The following COQ8B variants were observed in gnomAD, a reference collection of about 807,000 sequenced individuals.
COQ8B encodes atypical kinase COQ8B, mitochondrial.
COQ8B carries 44 observed loss-of-function variants against 62.0 expected under a neutral mutation model. The observed-to-expected ratio is 0.71, with a 90% CI of 0.56 to 0.91. COQ8B has a LOEUF of 0.91. Ranked by LOEUF, COQ8B falls within the 40% of genes least tolerant of loss-of-function variation. COQ8B has a pLI of 0.00. For synonymous variants in COQ8B, 252 were observed against 289.9 expected (o/e 0.87, Z 1.33); for missense variants, 649 against 731.6 (o/e 0.89, Z 1.30).
intron 9 of COQ8B, 41 bp from the exon 10 acceptor site, chr19:40,702,734 C>T (rs368189438): frequency 2.5e-6 from 4 of 1,582,956 alleles, no homozygotes; most frequent in Non-Finnish European, 3.4e-6. Context: ...GCCCCGAGCG[C>T]CCACTGGTGG....
At chr19:40,696,365 A>G (rs1329917343) in intron 12 of COQ8B, among the ~76,000 whole-genome samples, 1 of 152,162 alleles carries the variant, frequency 6.6e-6, no homozygotes, top group Non-Finnish European at 1.5e-5. Context: ...CCAGCCTAAA[A>G]TATAAAATAC....
chr19:40,700,725 A>G lies in COQ8B; in HGVS notation c.894-274T>C, dbSNP rs548486804. On this transcript the variant is annotated intron_variant, in intron 10 of 14. Coordinates refer to ENST00000324464, the MANE Select transcript of COQ8B (RefSeq NM_024876.4). ...CCACTTCCCTACCCGAAACCCTTCTATGACTTCTGGTTGCCCCAGAAGGAT... is the reference window on the plus strand; with the variant it reads ...CCACTTCCCTACCCGAAACCCTTCTGTGACTTCTGGTTGCCCCAGAAGGAT... 5 of 458,892 alleles carry G rather than the reference A, an allele frequency of 1.1e-5. No individual in the cohort carries two copies. The South Asian group carries it at 1.8e-4, about 16-fold the overall frequency. 28.4% of individuals were successfully genotyped at this position (458,892 alleles called of 1,614,324 possible). A position where few individuals can be genotyped will look rare whatever the true frequency, so the allele number is the denominator to read the frequency against.
At chr19:40,707,630 T>G (rs1457841698) in intron 5 of COQ8B, among the ~76,000 whole-genome samples, 1 of 152,156 alleles carries the variant, frequency 6.6e-6, no homozygotes, top group Non-Finnish European at 1.5e-5. Context: ...ATTTTTTGTA[T>G]TTTTAGTAGA....
Position 40,700,460 on chromosome 19 carries a change from G to A in COQ8B, c.894-9C>T, listed in dbSNP as rs201215087. On this transcript the variant is annotated splice_polypyrimidine_tract_variant and intron_variant, in intron 10 of 14. Transcript: ENST00000324464. ...CATTTGCCAGCAGCTGCCTGGGGCA[G>A]AAGGAAAGGGAGGAAGGGGACTTCG... 1.9e-6 allele frequency: 3 copies of A among 1,611,890 alleles called. No individual in the cohort carries two copies. In the Admixed American group the frequency reaches 5.0e-5, roughly 27 times the overall value.
At position 40,692,113 on chromosome 19, in the gene COQ8B, G is replaced by C; in HGVS notation, c.1557C>G (p.Tyr519Ter). 2 of 1,607,642 alleles carry C rather than the reference G, an allele frequency of 1.2e-6. No homozygotes were observed. The highest frequency in any genetic ancestry group is 1.7e-6 in the Non-Finnish European group (2 of 1,177,374). ...CTGCGTCTGGCTGGCGACTGGCCCA[G>C]TAGCGGTGGTAGGTGTCCTGGAAGA... ...RDLFQDTYHR[Y>*]WASRQPDAAT... Residue 519 changes from tyrosine to a stop codon, truncating the protein, a stop_gained, in exon 15 of 15, where the codon TAC (tyrosine) becomes TAG (stop). Transcript: ENST00000324464. LOFTEE classifies it low-confidence loss of function (END_TRUNC).
At position 40,713,941 on chromosome 19, in the gene COQ8B, C is replaced by T. The variant is rs576857640; in HGVS notation, c.289+126G>A. On this transcript the variant is annotated intron_variant, in intron 4 of 14. Coordinates refer to ENST00000324464, the MANE Select transcript of COQ8B (RefSeq NM_024876.4). ...TTTCTCTTGGCCTTGCAGGCCCTTG[C>T]CTTTGTCTCTCTTTTTTTGTCTCTC... 8.0e-4 allele frequency: 826 copies of T among 1,034,472 alleles called. 2 individuals carry two copies. The highest frequency in any genetic ancestry group is 1.1e-3 in the Non-Finnish European group (774 of 695,078). 64.1% of individuals were successfully genotyped at this position (1,034,472 alleles called of 1,614,324 possible).
intron 1 of COQ8B, 152 bp from the exon 2 acceptor site, chr19:40,714,787 C>G: frequency 7.5e-7 from 1 of 1,330,680 alleles, no homozygotes; most frequent in East Asian, 2.9e-5. Context: ...TGGTTCTCCC[C>G]TGGTTGCTAG....
At chr19:40,695,134 A>G (rs2082003871) in intron 13 of COQ8B, among the ~76,000 whole-genome samples, 1 of 152,156 alleles carries the variant, frequency 6.6e-6, no homozygotes, top group African/African-American at 2.4e-5. Context: ...CCTGGGCAAC[A>G]TGGTGAAACC....
chr19:40,695,539 T>C lies in COQ8B; in HGVS notation c.1209+450A>G, dbSNP rs142846786. Among the ~76,000 whole-genome samples the C allele has an allele frequency of 1.6e-3, 250 of 152,142 alleles. 2 individuals carry two copies. Among genetic ancestry groups the C allele is most frequent in the African/African-American group, 5.6e-3 (234 of 41,510 alleles). On this transcript the variant is annotated intron_variant, in intron 13 of 14. Coordinates refer to ENST00000324464, the MANE Select transcript of COQ8B (RefSeq NM_024876.4). The stretch of plus-strand genomic sequence containing the variant: ...AGAGTTGCCCCCAGGGACACACACC[T>C]GGGCTGGACACCAGGGCCCTGGACA...
Position 40,691,753 on chromosome 19 carries a change from G to A in COQ8B, c.*282C>T, listed in dbSNP as rs1315328828. 11 of 327,694 alleles carry A rather than the reference G, an allele frequency of 3.4e-5. No homozygotes were observed. In the Admixed American group the frequency reaches 4.7e-4, roughly 14 times the overall value. 20.3% of individuals were successfully genotyped at this position (327,694 alleles called of 1,614,324 possible). A position where few individuals can be genotyped will look rare whatever the true frequency, so the allele number is the denominator to read the frequency against. On this transcript the variant is annotated 3_prime_UTR_variant, in exon 15 of 15. Transcript: ENST00000324464. ...ATGAGTCTGATCTGCATAACGACAT[G>A]CAGCGGCCCAAGGCTCCCTCAAATG...
At position 40,692,335 on chromosome 19, in the gene COQ8B, C is replaced by G; in HGVS notation, c.1335G>C (p.Leu445=). Reference sequence around the variant, plus strand: ...GGCCCTGGGTGGCGAAAGGCTCCCCCAGGATCATCACTGCCTCCACGTGGG... The same window carrying G: ...GGCCCTGGGTGGCGAAAGGCTCCCCGAGGATCATCACTGCCTCCACGTGGG... ...SDAHVEAVMI[L]GEPFATQGPY... Residue 445 remains leucine (L), a synonymous_variant, in exon 15 of 15, where the codon CTG becomes CTC. Coordinates refer to ENST00000324464, the MANE Select transcript of COQ8B (RefSeq NM_024876.4). 1 of 1,613,648 alleles carries G rather than the reference C, an allele frequency of 6.2e-7. No homozygotes were observed. The highest frequency in any genetic ancestry group is 8.5e-7 in the Non-Finnish European group (1 of 1,179,846).
chr19:40,698,406 C>A (rs574408376), intron 12 of COQ8B, among the ~76,000 whole-genome samples: 3 of 151,518 alleles, frequency 2.0e-5, no homozygotes, highest in Non-Finnish European at 4.4e-5. Flanking sequence ...GGTGTGGTGG[C>A]GGGCACCTGT....
intron 5 of COQ8B, among the ~76,000 whole-genome samples, chr19:40,709,470 G>C (rs968848486): frequency 6.6e-6 from 1 of 152,178 alleles, no homozygotes; most frequent in Non-Finnish European, 1.5e-5. Context: ...GATGTACACA[G>C]ACCCTCGCTG....
At chr19:40,702,128 G>A (rs2082065088) in intron 10 of COQ8B, among the ~76,000 whole-genome samples, 1 of 152,178 alleles carries the variant, frequency 6.6e-6, no homozygotes. Flanking sequence ...TCAGCAGGGA[G>A]GGCAATCGTT....
intron 5 of COQ8B, 40 bp from the exon 6 acceptor site, chr19:40,705,487 T>C (rs1227028683): frequency 1.3e-6 from 2 of 1,505,282 alleles, no homozygotes; most frequent in East Asian, 2.3e-5. Flanking sequence ...ACCACAAATA[T>C]CATCACTGCG....
At chr19:40,695,724 C>T (rs1389286114) in intron 13 of COQ8B, among the ~76,000 whole-genome samples, 1 of 152,166 alleles carries the variant, frequency 6.6e-6, no homozygotes, top group African/African-American at 2.4e-5. Context: ...CTCCAGGACC[C>T]AGTTACTTCA....
chr19:40,715,007 CCGATCCCCA>C, intron 1 of COQ8B: 1 of 1,012,776 alleles, frequency 9.9e-7, no homozygotes, highest in Non-Finnish European at 1.2e-6. Flanking sequence ...GTCCCCCCGC[CCGATCCCCA>C]CCCCGTTACT....
chr19:40,710,167 G>A (rs1305366033), intron 4 of COQ8B, 31 bp from the exon 5 acceptor site: 25 of 1,607,992 alleles, frequency 1.6e-5, no homozygotes, highest in Non-Finnish European at 1.8e-5. Flanking sequence ...ATGAGTGCCC[G>A]TTTGCCTGGG....
intron 12 of COQ8B, 138 bp from the exon 13 acceptor site, chr19:40,696,192 C>T: frequency 1.1e-6 from 1 of 908,400 alleles, no homozygotes; most frequent in Non-Finnish European, 1.8e-6. Context: ...CCTCACTGGG[C>T]TCCTGGCCTC....
Sources: allele counts gnomAD v4.1 joint callset (sites outside exome capture counted in the v4.1 genomes callset), GRCh38; gene constraint gnomAD v4.1.1; transcripts MANE v1.5; gene names NCBI Gene and HGNC (gene_info 2026-07-23, HGNC 2026-07-21).